Variants in FBXO34 observed in about 807,000 individuals in gnomAD.
FBXO34 encodes the protein F-box protein 34.
In FBXO34, 12 loss-of-function variants were observed where a neutral mutation model predicts 24.5. The observed-to-expected ratio is 0.49, with a 90% CI of 0.31 to 0.79. The LOEUF is 0.79. Ranked by LOEUF, FBXO34 falls within the 30% of genes least tolerant of loss-of-function variation. The pLI is 0.04. For missense variants in FBXO34, 823 were observed against 857.7 expected (o/e 0.96, Z 0.51); for synonymous variants, 320 against 311.9 (o/e 1.03, Z -0.27).
intron 3 of FBXO34, among the ~76,000 whole-genome samples, chr14:55,359,291 A>G (rs1555340497): frequency 6.6e-6 from 1 of 152,138 alleles, no homozygotes; most frequent in South Asian, 2.1e-4. Flanking sequence ...TATTTCCTAA[A>G]ACTTGATGAT....
intron 1 of FBXO34, among the ~76,000 whole-genome samples, chr14:55,326,340 A>G (rs1883341994): frequency 6.6e-6 from 1 of 152,184 alleles, no homozygotes; most frequent in South Asian, 2.1e-4. Flanking sequence ...GCAGAAGTAA[A>G]ATGTGCTTTT....
the FBXO34 span, chr14:55,433,501 T>C: frequency 2.3e-6 from 2 of 853,744 alleles, no homozygotes; most frequent in South Asian, 1.7e-5. Context: ...TGGCATTTCA[T>C]TGAATAAAGT....
At chr14:55,323,408 T>C (rs1224904114) in intron 1 of FBXO34, among the ~76,000 whole-genome samples, 1 of 149,090 alleles carries the variant, frequency 6.7e-6, no homozygotes, top group Non-Finnish European at 1.5e-5. Context: ...TTTTGAGATG[T>C]AATCTCGCTC....
chr14:55,297,854 T>C (rs1325679471), intron 1 of FBXO34, among the ~76,000 whole-genome samples: 1 of 152,220 alleles, frequency 6.6e-6, no homozygotes. Flanking sequence ...CCAGAAACTC[T>C]GTATGTATAA....
chr14:55,388,958 T>TC, the FBXO34 span, among the ~76,000 whole-genome samples: 3 of 152,246 alleles, frequency 2.0e-5, no homozygotes, highest in East Asian at 3.9e-4. Flanking sequence ...CTTTTTTTTT[T>TC]CAACATGGCG....
chr14:55,369,684 C>A, downstream of FBXO34: 1 of 1,597,414 alleles, frequency 6.3e-7, no homozygotes, highest in South Asian at 1.1e-5. Context: ...GAGATCATCC[C>A]ACCTGCACTG....
At chr14:55,310,851 C>G (rs968225386) in intron 1 of FBXO34, among the ~76,000 whole-genome samples, 22 of 151,914 alleles carry the variant, frequency 1.4e-4, no homozygotes, top group Non-Finnish European at 3.1e-4. Context: ...GAGGTAAATA[C>G]AAGATGTGAT....
In FBXO34 at chr14:55,349,148, A is replaced by T. The variant is rs550205929; in HGVS notation, c.-10-1233A>T. ...GTTTTGTGTAGCAGTGGGCTGTTTT[A>T]TGTAAATTGTACATTGACAAGTTCA... On this transcript the variant is annotated intron_variant, in intron 1 of 1. Transcript: ENST00000313833. Among the ~76,000 whole-genome samples, 3 of 152,124 alleles carry T rather than the reference A, an allele frequency of 2.0e-5. No homozygotes were observed. In the East Asian group the frequency reaches 5.8e-4, roughly 29 times the overall value.
chr14:55,434,459 G>C, the FBXO34 span, among the ~76,000 whole-genome samples: 5 of 152,130 alleles, frequency 3.3e-5, no homozygotes, highest in Non-Finnish European at 7.4e-5. Context: ...AAGGAAACTG[G>C]GGTGGGTGCT....
intron 1 of FBXO34, among the ~76,000 whole-genome samples, chr14:55,334,326 G>A (rs139880495): frequency 6.6e-6 from 1 of 152,268 alleles, no homozygotes; most frequent in African/African-American, 2.4e-5. Context: ...AAGTCCTTAG[G>A]GTTTGATGCA....
chr14:55,379,981 G>T, the FBXO34 span, among the ~76,000 whole-genome samples: 1 of 152,102 alleles, frequency 6.6e-6, no homozygotes, highest in African/African-American at 2.4e-5. Flanking sequence ...GGGCACAGTG[G>T]CTCACCTGTA....
chr14:55,287,296 G>T (rs532860595), intron 1 of FBXO34, among the ~76,000 whole-genome samples: 1 of 152,184 alleles, frequency 6.6e-6, no homozygotes, highest in African/African-American at 2.4e-5. Flanking sequence ...GTACATTGAA[G>T]TGTTAGCAAA....
downstream of FBXO34, chr14:55,366,818 T>C (rs1436193336): frequency 5.2e-5 from 8 of 152,654 alleles, no homozygotes; most frequent in Non-Finnish European, 1.0e-4. Context: ...TTTAAAAAGC[T>C]GTTTACATAT....
the FBXO34 span, chr14:55,397,281 C>T: frequency 2.4e-5 from 26 of 1,082,026 alleles, no homozygotes; most frequent in Non-Finnish European, 1.4e-6. Flanking sequence ...AGTAAGTTAG[C>T]AATCCGTATA....
At chr14:55,376,439 CA>C in the FBXO34 span, among the ~76,000 whole-genome samples, 1 of 152,084 alleles carries the variant, frequency 6.6e-6, no homozygotes, top group Non-Finnish European at 1.5e-5. Flanking sequence ...TGAATGGGAT[CA>C]GGGGTGAGAG....
At chr14:55,389,054 G>A in the FBXO34 span, among the ~76,000 whole-genome samples, 3 of 152,234 alleles carry the variant, frequency 2.0e-5, no homozygotes, top group African/African-American at 4.8e-5. Context: ...GATTTTAAAA[G>A]GGTCACCAGG....
At chr14:55,362,809 T>C (rs188084532), downstream of FBXO34, among the ~76,000 whole-genome samples, 1,875 of 152,244 alleles carry the variant, frequency 0.012, 45 homozygotes, top group African/African-American at 0.042. Flanking sequence ...GCAACATACT[T>C]ACACTCCAGA....
intron 1 of FBXO34, chr14:55,298,560 A>T: frequency 4.4e-6 from 3 of 680,882 alleles, no homozygotes; most frequent in Non-Finnish European, 7.5e-6. Flanking sequence ...TCTTTGAAAA[A>T]AGCAAATTTG....
At chr14:55,331,685 GTGTATATA>G (rs1181673804) in intron 1 of FBXO34, among the ~76,000 whole-genome samples, 407 of 31,886 alleles carry the variant, frequency 0.013, 146 homozygotes, top group African/African-American at 0.099. Context: ...ATATATATAT[GTGTATATA>G]TATATATATA....
Sources: gnomAD v4.1 joint callset for allele counts (sites outside exome capture counted in the v4.1 genomes callset) on GRCh38, gnomAD v4.1.1 for gene constraint, MANE v1.5 for transcripts, NCBI Gene and HGNC (gene_info 2026-07-23, HGNC 2026-07-21) for gene names.